The following SP140 variants were observed in gnomAD, a reference collection of about 807,000 sequenced individuals.
SP140 encodes nuclear body protein SP140.
A neutral mutation model predicts 125.0 loss-of-function variants in SP140; 81 were observed. That is an observed-to-expected ratio of 0.65 (90% CI 0.54 to 0.78). SP140 has a LOEUF of 0.78. Ranked by LOEUF, SP140 falls within the 30% of genes least tolerant of loss-of-function variation. SP140 has a pLI of 0.00. For missense variants in SP140, 858 were observed against 1,037.0 expected, an observed-to-expected ratio of 0.83 and a Z score of 2.37; for synonymous variants, 312 against 354.0, an observed-to-expected ratio of 0.88 and a Z score of 1.33.
In SP140 at chr2:230,312,773, G is replaced by C. The variant is rs769779424; in HGVS notation, c.*89G>C. 23 of 920,206 alleles carry C rather than the reference G, an allele frequency of 2.5e-5. No homozygotes were observed. The highest frequency in any genetic ancestry group is 3.0e-5 in the Non-Finnish European group (17 of 565,410). 57.0% of individuals were successfully genotyped at this position (920,206 alleles called of 1,614,324 possible). ...ACTGACTTCAAAATGAGGTCACTTGGGCACAGCACATGCAGGGAGGGGCTT... is the reference window on the plus strand; with the variant it reads ...ACTGACTTCAAAATGAGGTCACTTGCGCACAGCACATGCAGGGAGGGGCTT... On this transcript the variant is annotated 3_prime_UTR_variant, in exon 27 of 27. Coordinates refer to ENST00000392045, the MANE Select transcript of SP140 (RefSeq NM_007237.5).
At chr2:230,241,228 C>T (rs1245392565) in intron 3 of SP140, among the ~76,000 whole-genome samples, 176 bp from the exon 4 acceptor site, 1 of 152,050 alleles carries the variant, frequency 6.6e-6, no homozygotes, top group African/African-American at 2.4e-5. Context: ...ATGTTGGTTT[C>T]ACAATGATTT....
intron 1 of SP140, chr2:230,212,363 G>A (rs2044588445): frequency 1.2e-6 from 2 of 1,612,304 alleles, no homozygotes; most frequent in East Asian, 4.5e-5. Context: ...CAGTGCTAGT[G>A]AGGAGGCTGG....
At chr2:230,291,501 T>C (rs2057110309) in intron 19 of SP140, among the ~76,000 whole-genome samples, 1 of 152,232 alleles carries the variant, frequency 6.6e-6, no homozygotes, top group Non-Finnish European at 1.5e-5. Flanking sequence ...GTAGGCTTTC[T>C]AGAAGTGGAA....
chr2:230,271,435 A>G (rs1170605133), intron 15 of SP140, among the ~76,000 whole-genome samples: 1 of 152,224 alleles, frequency 6.6e-6, no homozygotes, highest in Non-Finnish European at 1.5e-5. Context: ...GAGAAAGCCT[A>G]TATTGCGTTA....
chr2:230,221,876 T>C (rs1309354952), upstream of SP140: 7 of 707,744 alleles, frequency 9.9e-6, no homozygotes, highest in Admixed American at 1.7e-4. Context: ...CAGGCAAAAA[T>C]TGTTACATGA....
chr2:230,299,124 G>C (rs114929358), intron 22 of SP140, among the ~76,000 whole-genome samples: 3 of 152,210 alleles, frequency 2.0e-5, no homozygotes, highest in African/African-American at 7.2e-5. Flanking sequence ...ACAGAACAGC[G>C]TGTTGAGACT....
intron 12 of SP140, among the ~76,000 whole-genome samples, chr2:230,260,750 G>A (rs1379795453): frequency 6.6e-6 from 1 of 152,134 alleles, no homozygotes; most frequent in Non-Finnish European, 1.5e-5. Context: ...TCAGTTGGCT[G>A]TAAGTATTTG....
intron 1 of SP140, among the ~76,000 whole-genome samples, chr2:230,205,406 A>G (rs1038753888): frequency 6.6e-6 from 1 of 152,140 alleles, no homozygotes; most frequent in African/African-American, 2.4e-5. Context: ...CATCCAATCC[A>G]AAGTGACTCC....
chr2:230,312,872 A>G lies in SP140; in HGVS notation c.*188A>G, dbSNP rs1367766291. 1 of 500,160 alleles carries G rather than the reference A, an allele frequency of 2.0e-6. No individual in the cohort carries two copies. Among genetic ancestry groups the G allele is most frequent in the African/African-American group, 2.0e-5 (1 of 50,274 alleles). The allele number at this position is 500,160 out of a possible 1,614,324, so 31.0% of individuals were successfully genotyped here. Reference sequence around the variant, plus strand: ...TTCAATCATCATGAATCACAACCCCAAGTATCTCATCAGCCAGGGAAGAGT... The same window carrying G: ...TTCAATCATCATGAATCACAACCCCGAGTATCTCATCAGCCAGGGAAGAGT... On this transcript the variant is annotated 3_prime_UTR_variant, in exon 27 of 27. Transcript: ENST00000392045.
intron 15 of SP140, among the ~76,000 whole-genome samples, chr2:230,273,620 C>G (rs1421590025): frequency 6.6e-6 from 1 of 152,130 alleles, no homozygotes; most frequent in African/African-American, 2.4e-5. Context: ...GAATATAAAT[C>G]ATTCTATTAT....
chr2:230,227,290 A>G (rs2046586990), intron 1 of SP140, among the ~76,000 whole-genome samples: 1 of 152,180 alleles, frequency 6.6e-6, no homozygotes, highest in Non-Finnish European at 1.5e-5. Context: ...GCCCAGTGCC[A>G]CCACTCCCAG....
intron 15 of SP140, among the ~76,000 whole-genome samples, chr2:230,278,191 A>G (rs892360164): frequency 3.3e-5 from 5 of 152,036 alleles, no homozygotes; most frequent in African/African-American, 1.2e-4. Context: ...GTGTGAGGTG[A>G]TGTTTCATTA....
chr2:230,256,101 G>A (rs1046281710), intron 12 of SP140, among the ~76,000 whole-genome samples: 3 of 152,124 alleles, frequency 2.0e-5, no homozygotes, highest in African/African-American at 7.2e-5. Context: ...CAACCATTGT[G>A]GAAGTCAGTG....
intron 12 of SP140, among the ~76,000 whole-genome samples, chr2:230,264,386 A>G (rs1181663555): frequency 1.3e-5 from 2 of 152,004 alleles, no homozygotes; most frequent in Non-Finnish European, 2.9e-5. Context: ...CTTGTATCAT[A>G]TTTTGGATTT....
chr2:230,194,935 G>A, the SP140 span, among the ~76,000 whole-genome samples: 2 of 152,092 alleles, frequency 1.3e-5, no homozygotes, highest in African/African-American at 4.8e-5. Context: ...ACAAGGTTGG[G>A]GCTGGCTGTG....
rs775203550 is a variant in SP140, at chr2:230,211,500, T to C, written c.-322-2154T>C. ...ATAGAGCCCAAGGGAGAGTGGGGCA[T>C]CTCTTGAGGGTCTTCTTTATCTCTT... On this transcript the variant is annotated intron_variant, in intron 1 of 4. Coordinates refer to the SP140 transcript ENST00000456542. This position sits in a 1 kb window ranked among gnomAD's most constrained non-coding sequence, Gnocchi z 4.2. 28 of 1,610,884 alleles carry C rather than the reference T, an allele frequency of 1.7e-5. No individual in the cohort carries two copies. The highest frequency in any genetic ancestry group is 1.7e-5 in the Admixed American group (1 of 59,986).
At chr2:230,187,182 A>G in the SP140 span, among the ~76,000 whole-genome samples, 2 of 152,088 alleles carry the variant, frequency 1.3e-5, no homozygotes, top group Non-Finnish European at 2.9e-5. Flanking sequence ...TTGACTTCTT[A>G]ATAATGGCCA....
upstream of SP140, among the ~76,000 whole-genome samples, chr2:230,199,618 G>A (rs770276894): frequency 6.6e-6 from 1 of 151,810 alleles, no homozygotes; most frequent in Admixed American, 6.6e-5. Context: ...CGCTTTTTCT[G>A]GCTTGGATGT....
intron 18 of SP140, among the ~76,000 whole-genome samples, chr2:230,288,606 T>C (rs986478854): frequency 6.6e-6 from 1 of 151,976 alleles, no homozygotes; most frequent in African/African-American, 2.4e-5. Context: ...TTTCTCCTAA[T>C]GCTATCCTTC....
Sources: allele counts gnomAD v4.1 joint callset (sites outside exome capture counted in the v4.1 genomes callset), GRCh38; gene constraint gnomAD v4.1.1; non-coding constraint Gnocchi (gnomAD v3.1); transcripts MANE v1.5; gene names NCBI Gene and HGNC (gene_info 2026-07-23, HGNC 2026-07-21).